GREB1L: variants seen among roughly 807,000 people sequenced by gnomAD.
GREB1L encodes the protein GREB1 like retinoic acid receptor coactivator, also known as GREB1-like protein.
A neutral mutation model predicts 200.8 loss-of-function variants in GREB1L; 17 were observed. The observed-to-expected ratio is 0.08, with a 90% confidence interval of 0.06 to 0.13. GREB1L has a LOEUF of 0.13. Among genes scored for constraint, GREB1L ranks in the 10% least tolerant of loss-of-function variants. The pLI, the probability that GREB1L is intolerant of heterozygous loss-of-function variation, is 1.00. For missense variants in GREB1L, 1,657 were observed against 2,367.7 expected (o/e 0.70, Z 6.23); for synonymous variants, 789 against 893.0 (o/e 0.88, Z 2.08).
chr18:21,278,391 AAT>A (rs1491152249), intron 1 of GREB1L, among the ~76,000 whole-genome samples: 14 of 106,634 alleles, frequency 1.3e-4, no homozygotes, highest in African/African-American at 1.9e-4. Context: ...AAAAAAAAAA[AAT>A]AAATAAATAA....
At chr18:21,496,135 C>T (rs2036535770) in intron 20 of GREB1L, among the ~76,000 whole-genome samples, 1 of 152,146 alleles carries the variant, frequency 6.6e-6, no homozygotes, top group African/African-American at 2.4e-5. Flanking sequence ...GCAACAACAA[C>T]ATCAACAATA....
chr18:21,295,620 T>C (rs1383005266), intron 1 of GREB1L, among the ~76,000 whole-genome samples: 1 of 152,208 alleles, frequency 6.6e-6, no homozygotes, highest in Non-Finnish European at 1.5e-5. Context: ...CATTTGTACC[T>C]GCCAGGCCTT....
Position 21,386,238 on chromosome 18 carries a change from G to C in GREB1L, c.355+1835G>C, listed in dbSNP as rs184099167. 3.9e-5 allele frequency among the ~76,000 whole-genome samples: 6 copies of C among 152,256 alleles called. No individual in the cohort carries two copies. In the Middle Eastern group the frequency reaches 0.01, roughly 259 times the overall value. On this transcript the variant is annotated intron_variant, in intron 4 of 32. Coordinates refer to ENST00000424526, the MANE Select transcript of GREB1L (RefSeq NM_001142966.3). ...TTTCCCGTTTTAATTCACCTTGGGG[G>C]AAGGCATTTAAAACACAAAGTTTAT...
At chr18:21,421,457 G>A (rs2032140254) in intron 7 of GREB1L, among the ~76,000 whole-genome samples, 1 of 152,190 alleles carries the variant, frequency 6.6e-6, no homozygotes, top group African/African-American at 2.4e-5. Context: ...TAGAAATATG[G>A]TGTCTACATT....
intron 1 of GREB1L, chr18:21,316,808 G>C (rs981198656): frequency 7.1e-6 from 1 of 139,870 alleles, no homozygotes; most frequent in Non-Finnish European, 1.5e-5. Flanking sequence ...CTGTCGCCCA[G>C]GCTGGAGTGT....
intron 2 of GREB1L, among the ~76,000 whole-genome samples, chr18:21,372,334 G>A (rs1426642881): frequency 1.3e-5 from 2 of 151,670 alleles, no homozygotes; most frequent in Non-Finnish European, 2.9e-5. Context: ...TTTTAGTAGA[G>A]ACAGGGTTTC....
chr18:21,488,164 C>T (rs907915808), intron 18 of GREB1L, among the ~76,000 whole-genome samples: 5 of 151,984 alleles, frequency 3.3e-5, no homozygotes, highest in Middle Eastern at 3.2e-3. Context: ...ATTAGCTGGG[C>T]GCATGCCTGT....
intron 4 of GREB1L, among the ~76,000 whole-genome samples, chr18:21,389,387 G>A (rs2040696881): frequency 8.1e-6 from 1 of 123,492 alleles, no homozygotes; most frequent in African/African-American, 4.3e-5. Context: ...ACGGGCACAG[G>A]AACCTCTTGA....
rs565583845 is a variant in GREB1L, at chr18:21,257,533, G to C, written c.-120+15140G>C. 3.3e-5 allele frequency among the ~76,000 whole-genome samples: 5 copies of C among 152,138 alleles called. 1 individual carries two copies. In the East Asian group the frequency reaches 7.7e-4, roughly 23 times the overall value. ...GTCTGTAAATGTGTGTCTGGTTATG[G>C]TATTTCAGGTATTCTAAATATTTGA... On this transcript the variant is annotated intron_variant, in intron 1 of 32. Coordinates refer to ENST00000424526, the MANE Select transcript of GREB1L (RefSeq NM_001142966.3).
At chr18:21,307,082 C>T (rs987257265) in intron 1 of GREB1L, among the ~76,000 whole-genome samples, 45 of 152,270 alleles carry the variant, frequency 3.0e-4, no homozygotes, top group South Asian at 6.2e-4. Context: ...AAGTTAAGAA[C>T]TTTTCCCACT....
At chr18:21,434,392 C>T (rs894764427) in intron 7 of GREB1L, among the ~76,000 whole-genome samples, 2 of 151,788 alleles carry the variant, frequency 1.3e-5, no homozygotes, top group Non-Finnish European at 2.9e-5. Context: ...AGGAGAATCT[C>T]TTGAACCCAG....
chr18:21,273,130 G>A (rs1229437024), intron 1 of GREB1L, among the ~76,000 whole-genome samples: 1 of 152,208 alleles, frequency 6.6e-6, no homozygotes, highest in Non-Finnish European at 1.5e-5. Context: ...GGGAGGCTGA[G>A]GCAGGGAGAA....
chr18:21,294,494 G>A (rs2038497715), intron 1 of GREB1L, among the ~76,000 whole-genome samples: 1 of 151,918 alleles, frequency 6.6e-6, no homozygotes, highest in Admixed American at 6.6e-5. Context: ...GAGTGGAGGA[G>A]GTTCATTTCA....
intron 4 of GREB1L, among the ~76,000 whole-genome samples, chr18:21,392,773 T>C (rs1233624806): frequency 6.6e-6 from 1 of 152,026 alleles, no homozygotes; most frequent in Non-Finnish European, 1.5e-5. Context: ...TAATTTTTTT[T>C]CTTTAAAAAA....
Position 21,455,653 on chromosome 18 carries a change from G to A in GREB1L, c.2182+1090G>A, listed in dbSNP as rs1187787195. Among the ~76,000 whole-genome samples the A allele has an allele frequency of 3.3e-5, 5 of 151,510 alleles. No homozygotes were observed. The South Asian group carries it at 1.0e-3, about 32-fold the overall frequency. On this transcript the variant is annotated intron_variant, in intron 15 of 32. Coordinates refer to ENST00000424526, the MANE Select transcript of GREB1L (RefSeq NM_001142966.3). ...AACCAAGACACTGCAGTCCAGTCTG[G>A]GTGACAGAGTGAGACCCTCTCCCAA... is the stretch of plus-strand genomic sequence containing the variant.
At chr18:21,278,135 T>C (rs1386954787) in intron 1 of GREB1L, among the ~76,000 whole-genome samples, 1 of 152,128 alleles carries the variant, frequency 6.6e-6, no homozygotes, top group African/African-American at 2.4e-5. Context: ...GTCCCAGCAC[T>C]TTGGGAGGCC....
chr18:21,384,232 G>T lies in GREB1L; in HGVS notation c.184G>T (p.Asp62Tyr). The T allele has an allele frequency of 1.3e-6, 2 of 1,551,172 alleles. No homozygotes were observed. The highest frequency in any genetic ancestry group is 1.7e-6 in the Non-Finnish European group (2 of 1,146,572). Reference protein sequence around the residue: ...ADVKPKVEDLDKDLVNRYTQN... With the variant: ...ADVKPKVEDLYKDLVNRYTQN... Reference sequence around the variant, plus strand: ...TGTCAAACCCAAGGTGGAGGATCTGGACAAAGATTTGGTAAACCGCTACAC... The same window carrying T: ...TGTCAAACCCAAGGTGGAGGATCTGTACAAAGATTTGGTAAACCGCTACAC... Residue 62 changes from aspartate to tyrosine, a missense_variant, in exon 4 of 33, where the codon GAC becomes TAC. Transcript: ENST00000424526.
At chr18:21,413,682 T>A (rs1167682034) in intron 7 of GREB1L, among the ~76,000 whole-genome samples, 5 of 152,136 alleles carry the variant, frequency 3.3e-5, no homozygotes, top group Admixed American at 3.3e-4. Context: ...TCAATAAATA[T>A]TTGATGAACT....
rs574168042 is a variant in GREB1L at position 21,481,828 on chromosome 18, C to T, written c.2557-3792C>T. Among the ~76,000 whole-genome samples the T allele has an allele frequency of 5.9e-5, 9 of 152,176 alleles. No individual in the cohort carries two copies. The East Asian group carries it at 1.7e-3, about 29-fold the overall frequency. ...CATGAATCGTAAATCATTCTTTTTG[C>T]TCTGTGTGTGTGTTACATTATATGA... On this transcript the variant is annotated intron_variant, in intron 17 of 32. Coordinates refer to ENST00000424526, the MANE Select transcript of GREB1L (RefSeq NM_001142966.3).
Sources: allele counts gnomAD v4.1 joint callset (sites outside exome capture counted in the v4.1 genomes callset), GRCh38; gene constraint gnomAD v4.1.1; transcripts MANE v1.5; gene names NCBI Gene and HGNC (gene_info 2026-07-23, HGNC 2026-07-21).